LYZL2: variants seen among roughly 807,000 people sequenced by gnomAD.
LYZL2 encodes lysozyme like 2, also known as lysozyme-like protein 2.
In LYZL2, 13 loss-of-function variants were observed where a neutral mutation model predicts 17.1. The ratio of observed to expected loss-of-function variants is 0.76; its 90% CI spans 0.49 to 1.21. The LOEUF (loss-of-function observed/expected upper bound fraction) is 1.21. Among genes scored for constraint, LYZL2 ranks in the 50% most tolerant of loss-of-function variants. The probability of loss-of-function intolerance (pLI) is 0.00; values close to 1 mark genes in which losing one functional copy is unlikely to be tolerated. For missense variants in LYZL2, 166 were observed against 189.2 expected (o/e 0.88, Z 0.72); for synonymous variants, 63 against 74.4 (o/e 0.85, Z 0.79).
chr10:30,622,982 C>T (rs1473014970), intron 3 of LYZL2, among the ~76,000 whole-genome samples: 6 of 152,104 alleles, frequency 3.9e-5, no homozygotes, highest in Admixed American at 3.9e-4. Flanking sequence ...AATATTTCCT[C>T]AAAGAAAGCG....
At chr10:30,611,702 A>AAGAAAGAAAGAAAGAAAG (rs1554784998), downstream of LYZL2, 38 of 391,822 alleles carry the variant, frequency 9.7e-5, no homozygotes, top group African/African-American at 8.0e-4. Context: ...GAAAGAAAGA[A>AAGAAAGAAAGAAAGAAAG]AAAGAAAGAA....
chr10:30,607,825 C>T (rs1838393524), downstream of LYZL2, among the ~76,000 whole-genome samples: 1 of 152,154 alleles, frequency 6.6e-6, no homozygotes, highest in South Asian at 2.1e-4. Context: ...CTGCTCTCAG[C>T]CTGAGCCCTG....
chr10:30,624,597 G>A (rs1256967611), intron 3 of LYZL2, among the ~76,000 whole-genome samples: 2 of 152,136 alleles, frequency 1.3e-5, no homozygotes, highest in Non-Finnish European at 2.9e-5. Flanking sequence ...TTTCCAGCCA[G>A]GATTCTTTAT....
intron 4 of LYZL2, among the ~76,000 whole-genome samples, chr10:30,612,310 C>A (rs1293931263): frequency 6.6e-6 from 1 of 152,160 alleles, no homozygotes; most frequent in Admixed American, 6.5e-5. Context: ...TGAGTGGGGC[C>A]GGCTGGCAAT....
intron 3 of LYZL2, among the ~76,000 whole-genome samples, chr10:30,618,182 A>C (rs954693348): frequency 2.0e-5 from 3 of 152,184 alleles, no homozygotes; most frequent in Admixed American, 1.3e-4. Context: ...AAGAGGATAC[A>C]AACAAATGGA....
At chr10:30,627,516 AACAAATAGTTAATATTT>A (rs1437265443) in intron 1 of LYZL2, among the ~76,000 whole-genome samples, 1 of 152,134 alleles carries the variant, frequency 6.6e-6, no homozygotes, top group African/African-American at 2.4e-5. Context: ...ATTTACTATT[AACAAATAGTTAATATTT>A]ACAAATAGTA....
chr10:30,611,882 A>G lies in LYZL2; in HGVS notation c.*73T>C. 2 of 1,610,482 alleles carry G rather than the reference A, an allele frequency of 1.2e-6. No homozygotes were observed. The highest frequency in any genetic ancestry group is 2.2e-5 in the South Asian group (2 of 90,400). ...GAATATTGGGAGGAAACGGGACAAG[A>G]TGACACAGGCATTTGGACATTCACT... On this transcript the variant is annotated 3_prime_UTR_variant, in exon 5 of 5. Coordinates refer to ENST00000647634, the MANE Select transcript of LYZL2 (RefSeq NM_183058.3).
downstream of LYZL2, among the ~76,000 whole-genome samples, chr10:30,607,422 C>T (rs984430465): frequency 1.3e-5 from 2 of 151,924 alleles, no homozygotes; most frequent in Admixed American, 6.6e-5. Context: ...GATTCTTTAC[C>T]TCTCTCCTCT....
At chr10:30,611,584 AAAG>A (rs1170014240), downstream of LYZL2, among the ~76,000 whole-genome samples, 3 of 122,424 alleles carry the variant, frequency 2.5e-5, no homozygotes, top group Admixed American at 7.9e-5. Flanking sequence ...AGAAAGAAAG[AAAG>A]AAAGAAAGAA....
At chr10:30,617,174 A>G (rs1191661225) in intron 3 of LYZL2, among the ~76,000 whole-genome samples, 5 of 152,110 alleles carry the variant, frequency 3.3e-5, no homozygotes, top group South Asian at 2.1e-4. Context: ...CATCCCAGGC[A>G]TGTACAGAAA....
Position 30,626,274 on chromosome 10 carries a change from G to A in LYZL2, c.140-11C>T. 1.2e-6 allele frequency: 2 copies of A among 1,612,192 alleles called. No homozygotes were observed. The highest frequency in any genetic ancestry group is 1.7e-6 in the Non-Finnish European group (2 of 1,179,012). ...ACGCCATGCAGATCCCTGGAGGGGG[G>A]AAAGCCAGAAACGCCAGCAAAGGAG... On this transcript the variant is annotated splice_polypyrimidine_tract_variant and intron_variant, in intron 2 of 4. Transcript: ENST00000647634.
chr10:30,624,900 A>G (rs1287706933), intron 3 of LYZL2, among the ~76,000 whole-genome samples: 1 of 152,214 alleles, frequency 6.6e-6, no homozygotes, highest in African/African-American at 2.4e-5. Flanking sequence ...AGGAGGAAAG[A>G]TTCAAAGTGT....
downstream of LYZL2, among the ~76,000 whole-genome samples, chr10:30,607,451 A>C (rs578017306): frequency 6.6e-6 from 1 of 151,944 alleles, no homozygotes; most frequent in African/African-American, 2.4e-5. Flanking sequence ...CTCCAGCAAG[A>C]CTCTGCTTAT....
In LYZL2 at chr10:30,626,174, T is replaced by G. The variant is rs754622888; in HGVS notation, c.229A>C (p.Ile77Leu). 2 of 1,614,004 alleles carry G rather than the reference T, an allele frequency of 1.2e-6. No individual in the cohort carries two copies. Among genetic ancestry groups the G allele is most frequent in the African/African-American group, 2.7e-5 (2 of 74,942 alleles). ...DGSIDYGIFQ[I>L]NSFAWCRRGK... ...CGTCTGCACCACGCGAAGCTGTTGA[T>G]CTGGAAGATGCCGTAGTCGATGCTG... Residue 77 changes from isoleucine to leucine, a missense_variant, in exon 3 of 5, where the codon ATC becomes CTC. Coordinates refer to ENST00000647634, the MANE Select transcript of LYZL2 (RefSeq NM_183058.3).
chr10:30,618,965 C>T (rs9417814), intron 3 of LYZL2, among the ~76,000 whole-genome samples: 107,687 of 151,586 alleles, frequency 0.71, 39,010 homozygotes, highest in African/African-American at 0.76. Flanking sequence ...ACAAAGAACT[C>T]AAACAAATTT....
intron 3 of LYZL2, among the ~76,000 whole-genome samples, chr10:30,625,415 C>T (rs1838686446): frequency 6.6e-6 from 1 of 152,122 alleles, no homozygotes; most frequent in Non-Finnish European, 1.5e-5. Flanking sequence ...TCTGCAAAGT[C>T]CCTTTTGCCA....
At chr10:30,617,678 A>AAAAAAAAAAAAAAAAAAAAAAAAAG (rs1838553883) in intron 3 of LYZL2, among the ~76,000 whole-genome samples, 1 of 120,334 alleles carries the variant, frequency 8.3e-6, no homozygotes, top group African/African-American at 3.4e-5. Context: ...CTGTCTCAAA[A>AAAAAAAAAAAAAAAAAAAAAAAAAG]AAAAAAAAAA....
downstream of LYZL2, among the ~76,000 whole-genome samples, chr10:30,611,497 A>AC (rs1298321512): frequency 9.7e-6 from 1 of 102,794 alleles, no homozygotes; most frequent in Non-Finnish European, 2.0e-5. Flanking sequence ...CAAGACTCTG[A>AC]AAAAAAAAAA....
rs951460143 is a variant in LYZL2 at position 30,623,975 on chromosome 10, T to C, written c.298+2130A>G. 2.3e-4 allele frequency among the ~76,000 whole-genome samples: 35 copies of C among 152,330 alleles called. 1 individual carries two copies. Among genetic ancestry groups the C allele is most frequent in the African/African-American group, 8.2e-4 (34 of 41,568 alleles). ...TTAATAAAAGCTCATTCTGGGATCA[T>C]CCTTCACTCTCAGGCTGGGCATTCC... On this transcript the variant is annotated intron_variant, in intron 3 of 4. Coordinates refer to ENST00000647634, the MANE Select transcript of LYZL2 (RefSeq NM_183058.3).
Sources: gnomAD v4.1 joint callset for allele counts (sites outside exome capture counted in the v4.1 genomes callset) on GRCh38, gnomAD v4.1.1 for gene constraint, MANE v1.5 for transcripts, NCBI Gene and HGNC (gene_info 2026-07-23, HGNC 2026-07-21) for gene names.